ERICH1: variants seen among roughly 807,000 people sequenced by gnomAD.
ERICH1 encodes the protein glutamate-rich protein 1.
ERICH1 carries 56 observed loss-of-function variants against 39.6 expected under a neutral mutation model. The ratio of observed to expected loss-of-function variants is 1.41; its 90% CI spans 1.14 to 1.77. The LOEUF (loss-of-function observed/expected upper bound fraction) is 1.77. Among genes scored for constraint, ERICH1 ranks in the 40% most tolerant of loss-of-function variants. ERICH1 has a pLI of 0.00. For synonymous variants in ERICH1, 313 were observed against 223.6 expected (o/e 1.40, Z -3.57); for missense variants, 826 against 575.4 (o/e 1.44, Z -4.45).
intron 3 of ERICH1, among the ~76,000 whole-genome samples, chr8:635,924 G>A (rs995863519): frequency 1.3e-5 from 2 of 152,188 alleles, no homozygotes; most frequent in South Asian, 2.1e-4. Flanking sequence ...GCTCTTACGC[G>A]GCAGGTGCGG....
chr8:726,409 C>T (rs1337555610), intron 1 of ERICH1, among the ~76,000 whole-genome samples: 1 of 152,098 alleles, frequency 6.6e-6, no homozygotes, highest in Non-Finnish European at 1.5e-5. Context: ...CACAGACACA[C>T]ATGTACACCC....
At chr8:660,993 G>A (rs568308895), downstream of ERICH1, among the ~76,000 whole-genome samples, 1 of 152,268 alleles carries the variant, frequency 6.6e-6, no homozygotes, top group Admixed American at 6.5e-5. Context: ...ACCTTGGCTC[G>A]CTCTCAGCCT....
chr8:633,779 C>T (rs1356928160), intron 3 of ERICH1, among the ~76,000 whole-genome samples: 3 of 152,232 alleles, frequency 2.0e-5, no homozygotes, highest in African/African-American at 7.2e-5. Flanking sequence ...TGGCAGGACT[C>T]CTCAATGGGA....
downstream of ERICH1, among the ~76,000 whole-genome samples, chr8:662,536 T>A (rs1801579033): frequency 6.6e-6 from 1 of 152,030 alleles, no homozygotes; most frequent in Admixed American, 6.6e-5. Flanking sequence ...TAATCCCAGC[T>A]ACTTGGGAGG....
chr8:663,733 A>G (rs1308758222), downstream of ERICH1, among the ~76,000 whole-genome samples: 1 of 152,154 alleles, frequency 6.6e-6, no homozygotes, highest in Non-Finnish European at 1.5e-5. Context: ...CTGCCCTCAC[A>G]AAATGCTGTA....
intron 2 of ERICH1, among the ~76,000 whole-genome samples, chr8:707,561 C>T (rs527400830): frequency 1.3e-4 from 20 of 152,192 alleles, no homozygotes; most frequent in African/African-American, 4.8e-4. Context: ...TGATGTCTTC[C>T]ACAACTGGTG....
chr8:638,374 G>C (rs959951372), intron 3 of ERICH1, among the ~76,000 whole-genome samples: 3 of 152,168 alleles, frequency 2.0e-5, no homozygotes, highest in African/African-American at 7.2e-5. Flanking sequence ...CATGTTCTTC[G>C]GAGAGGAGGC....
At chr8:692,349 T>G in intron 3 of ERICH1, 129 bp downstream of exon 3, 2 of 1,318,204 alleles carry the variant, frequency 1.5e-6, no homozygotes, top group Non-Finnish European at 2.1e-6. Flanking sequence ...TGGTTCATTA[T>G]ACAGTGTAAC....
rs1270753221 is a variant in ERICH1 at position 646,963 on chromosome 8, G to A, written c.976+21635C>T. Among the ~76,000 whole-genome samples the A allele has an allele frequency of 7.3e-5, 5 of 68,954 alleles. 2 individuals carry two copies. Among genetic ancestry groups the A allele is most frequent in the Non-Finnish European group, 2.3e-4 (5 of 21,976 alleles). 45.2% of individuals were successfully genotyped at this position (68,954 alleles called of 152,430 possible). ...CAATTCACGCCAGTTAATCTGTGCC[G>A]AGGGCCTACCAAGCCCTCCACATTC... is the stretch of plus-strand genomic sequence containing the variant. On this transcript the variant is annotated intron_variant, in intron 3 of 3. Coordinates refer to the ERICH1 transcript ENST00000522706.
downstream of ERICH1, among the ~76,000 whole-genome samples, chr8:662,344 T>C (rs1203472442): frequency 1.3e-5 from 2 of 152,258 alleles, no homozygotes; most frequent in African/African-American, 4.8e-5. Flanking sequence ...GCAAAGCATG[T>C]GCTATTAATT....
intron 2 of ERICH1, among the ~76,000 whole-genome samples, chr8:701,636 G>C (rs1812174269): frequency 6.6e-6 from 1 of 152,164 alleles, no homozygotes; most frequent in Admixed American, 6.5e-5. Context: ...AGCAAACACT[G>C]TCTATGATAC....
In ERICH1 at chr8:692,487, C is replaced by T; in HGVS notation, c.295G>A (p.Asp99Asn). 1 of 1,614,120 alleles carries T rather than the reference C, an allele frequency of 6.2e-7. No individual in the cohort carries two copies. The highest frequency in any genetic ancestry group is 8.5e-7 in the Non-Finnish European group (1 of 1,179,994). The change falls in exon 3 of 6, where the codon GAC becomes AAC. Residue 99 changes from aspartate (D) to asparagine (N), a missense_variant. Physicochemically the swap from Asp to Asn is conservative, Grantham distance 23. Coordinates refer to ENST00000262109, the MANE Select transcript of ERICH1 (RefSeq NM_207332.3). ...CCACCCAGCATTTTACCTTCTGTGTCATCCCCGCTGGAGGCGTTCTCGGGG... is the reference window on the plus strand; with the variant it reads ...CCACCCAGCATTTTACCTTCTGTGTTATCCCCGCTGGAGGCGTTCTCGGGG... ...GSPENASSGD[D>N]TEDQDPHDQP...
intron 3 of ERICH1, chr8:627,306 G>C (rs756528172): frequency 2.3e-6 from 1 of 431,104 alleles, no homozygotes; most frequent in Non-Finnish European, 4.8e-6. Context: ...GCCAGGGGCT[G>C]GCAGACGAAG....
chr8:720,576 T>C (rs768802822), intron 1 of ERICH1, among the ~76,000 whole-genome samples: 8 of 152,140 alleles, frequency 5.3e-5, no homozygotes, highest in Non-Finnish European at 7.3e-5. Context: ...AAGAAGGCCG[T>C]AGGGATTTGG....
intron 3 of ERICH1, among the ~76,000 whole-genome samples, chr8:655,692 CTTCCTTCCTTCCTTCT>C (rs1800563839): frequency 1.4e-5 from 2 of 145,592 alleles, no homozygotes; most frequent in East Asian, 2.0e-4. Flanking sequence ...TCCTTCCTTC[CTTCCTTCCTTCCTTCT>C]TTCCTTCCTC....
At chr8:627,882 A>ATCCCAGCT (rs1797686143) in intron 3 of ERICH1, among the ~76,000 whole-genome samples, 2 of 152,200 alleles carry the variant, frequency 1.3e-5, no homozygotes, top group South Asian at 4.1e-4. Context: ...CTCTGGGCAG[A>ATCCCAGCT]TCCCAGCTGC....
chr8:630,057 C>G (rs1331157722), intron 3 of ERICH1, among the ~76,000 whole-genome samples: 3 of 129,666 alleles, frequency 2.3e-5, no homozygotes, highest in East Asian at 2.4e-4. Flanking sequence ...ACAGACAGAG[C>G]TGACTCACAC....
At chr8:715,225 G>A (rs556232327) in intron 2 of ERICH1, among the ~76,000 whole-genome samples, 2 of 152,230 alleles carry the variant, frequency 1.3e-5, no homozygotes, top group Non-Finnish European at 2.9e-5. Flanking sequence ...GTGTCTCTCA[G>A]TAGGATGTGC....
chr8:643,913 G>T (rs1799301074), intron 3 of ERICH1, among the ~76,000 whole-genome samples: 1 of 152,234 alleles, frequency 6.6e-6, no homozygotes, highest in African/African-American at 2.4e-5. Context: ...AGCGCCTGGA[G>T]AAACACCCGG....
Sources: allele counts gnomAD v4.1 joint callset (sites outside exome capture counted in the v4.1 genomes callset), GRCh38; gene constraint gnomAD v4.1.1; transcripts MANE v1.5; gene names NCBI Gene and HGNC (gene_info 2026-07-23, HGNC 2026-07-21).